Variants in BPIFC observed in about 807,000 individuals in gnomAD.
BPIFC encodes the protein BPI fold containing family C, also known as BPI fold-containing family C protein.
Under a neutral mutation model 57.6 loss-of-function variants are expected in BPIFC, and 60 were observed. The ratio of observed to expected loss-of-function variants is 1.04; its 90% confidence interval spans 0.85 to 1.29. The LOEUF is 1.29. BPIFC is among the 50% of genes most tolerant of loss of function. BPIFC has a pLI of 0.00. For synonymous variants in BPIFC, 243 were observed against 224.5 expected (o/e 1.08, Z -0.74); for missense variants, 581 against 600.5 (o/e 0.97, Z 0.34).
At chr22:32,421,751 G>A (rs890499028) in intron 13 of BPIFC, among the ~76,000 whole-genome samples, 1 of 152,188 alleles carries the variant, frequency 6.6e-6, no homozygotes, top group Non-Finnish European at 1.5e-5. Context: ...CTGTTCTCAT[G>A]TAGCTTACCA....
rs1934509386 is a variant in BPIFC at position 32,439,613 on chromosome 22, T to A, written c.656-1762A>T. 2.4e-5 allele frequency among the ~76,000 whole-genome samples: 3 copies of A among 126,270 alleles called. No individual in the cohort carries two copies. The Admixed American group carries it at 2.5e-4, about 10-fold the overall frequency. The allele number at this position is 126,270 out of a possible 152,430, so 82.8% of individuals were successfully genotyped here. ...CTAAGCCACCATAGTTTTTATTTTT[T>A]ATTTTTCACTTTTTTTTTTGAGACA... is the stretch of plus-strand genomic sequence containing the variant. On this transcript the variant is annotated intron_variant, in intron 8 of 16. Transcript: ENST00000300399.
chr22:32,419,225 A>G, intron 14 of BPIFC, 137 bp downstream of exon 14: 2 of 884,658 alleles, frequency 2.3e-6, no homozygotes, highest in Non-Finnish European at 3.5e-6. Context: ...CTACATAAAG[A>G]ATTTCAAAGT....
chr22:32,440,049 T>G (rs1290427652), intron 8 of BPIFC, among the ~76,000 whole-genome samples: 2 of 152,170 alleles, frequency 1.3e-5, no homozygotes, highest in Non-Finnish European at 2.9e-5. Flanking sequence ...CTTGGCTACT[T>G]CTTTCCTCAC....
chr22:32,428,737 A>C (rs1934143746), intron 13 of BPIFC, among the ~76,000 whole-genome samples: 1 of 151,810 alleles, frequency 6.6e-6, no homozygotes, highest in African/African-American at 2.4e-5. Context: ...ATCTCTACTA[A>C]AAAATACAAA....
At chr22:32,419,506 A>G in intron 13 of BPIFC, 102 bp from the exon 14 acceptor site, 1 of 1,130,704 alleles carries the variant, frequency 8.8e-7, no homozygotes, top group South Asian at 1.4e-5. Flanking sequence ...GTCACTATTT[A>G]AAAAAAAACA....
intron 12 of BPIFC, among the ~76,000 whole-genome samples, chr22:32,431,861 T>A (rs1934252350): frequency 6.6e-6 from 1 of 151,800 alleles, no homozygotes; most frequent in South Asian, 2.1e-4. Flanking sequence ...GTGCATGAAG[T>A]AGAGACTGGA....
rs748412558 is a variant in BPIFC, at chr22:32,437,757, T to C, written c.747+3A>G. 29 of 1,580,518 alleles carry C rather than the reference T, an allele frequency of 1.8e-5. No homozygotes were observed. The highest frequency in any genetic ancestry group is 2.3e-5 in the Non-Finnish European group (26 of 1,149,734). On this transcript the variant is annotated splice_donor_region_variant and intron_variant, in intron 9 of 16. Transcript: ENST00000300399. ...CTGAGGATTCTGATGATGATAAAGT[T>C]ACCTTCAAGTTCAGGTCAAGGTAGT...
intron 3 of BPIFC, among the ~76,000 whole-genome samples, chr22:32,456,079 T>C (rs1208286118): frequency 6.6e-6 from 1 of 152,250 alleles, no homozygotes; most frequent in Non-Finnish European, 1.5e-5. Context: ...TTTACAGCCA[T>C]GTGGATAGAC....
At chr22:32,417,530 T>C (rs779481185) in intron 14 of BPIFC, among the ~76,000 whole-genome samples, 5 of 152,168 alleles carry the variant, frequency 3.3e-5, no homozygotes, top group Non-Finnish European at 7.3e-5. Context: ...TCCCAGAACT[T>C]CTTAGGCTAG....
At chr22:32,461,022 A>G (rs1935148380) in intron 2 of BPIFC, among the ~76,000 whole-genome samples, 1 of 152,226 alleles carries the variant, frequency 6.6e-6, no homozygotes, top group South Asian at 2.1e-4. Flanking sequence ...GTGTACTAGT[A>G]AACTGCAGGC....
rs542097911 is a variant in BPIFC at position 32,452,772 on chromosome 22, TG to T, written c.245+610del. Among the ~76,000 whole-genome samples, 5 of 152,300 alleles carry T rather than the reference TG, an allele frequency of 3.3e-5. No homozygotes were observed. In the East Asian group the frequency reaches 9.6e-4, roughly 29 times the overall value. On this transcript the variant is annotated intron_variant, in intron 4 of 16. Coordinates refer to ENST00000300399, the MANE Select transcript of BPIFC (RefSeq NM_174932.3). ...CTGGATGGGTAAAATCTTTAACAATTGGGGCAAATTGTGAATCACAGTCACA... is the reference window on the plus strand; with the variant it reads ...CTGGATGGGTAAAATCTTTAACAATTGGGCAAATTGTGAATCACAGTCACA...
intron 7 of BPIFC, among the ~76,000 whole-genome samples, chr22:32,445,135 T>G (rs1014475651): frequency 1.3e-5 from 2 of 152,220 alleles, no homozygotes; most frequent in Non-Finnish European, 2.9e-5. Context: ...ATAGTAGGGA[T>G]TTGAGAAACT....
At chr22:32,453,991 G>A (rs1326437854) in intron 3 of BPIFC, among the ~76,000 whole-genome samples, 1 of 152,064 alleles carries the variant, frequency 6.6e-6, no homozygotes, top group Admixed American at 6.6e-5. Context: ...CATGTCTATA[G>A]TACCAGTGAC....
chr22:32,425,765 T>A (rs150499511), intron 13 of BPIFC, among the ~76,000 whole-genome samples: 17 of 152,234 alleles, frequency 1.1e-4, no homozygotes, highest in African/African-American at 4.1e-4. Flanking sequence ...AAATGAATGG[T>A]CCTGGAGGTA....
Position 32,424,602 on chromosome 22 carries a change from TCCTCCTCC to T in BPIFC, c.1218-5206_1218-5199del, listed in dbSNP as rs1569447846. Among the ~76,000 whole-genome samples the T allele has an allele frequency of 2.9e-4, 19 of 65,722 alleles. 3 individuals are homozygous for T. The highest frequency in any genetic ancestry group is 4.2e-4 in the Admixed American group (3 of 7,064). The allele number at this position is 65,722 out of a possible 152,430, so 43.1% of individuals were successfully genotyped here. On this transcript the variant is annotated intron_variant, in intron 13 of 16. Transcript: ENST00000300399. ...CTTCTTCTTCTTCTTCTTCTTCTTC[TCCTCCTCC>T]TCCTCCTCCTCCTCCTCCTCTTCTT...
chr22:32,431,320 C>T lies in BPIFC; in HGVS notation c.1217+27G>A, dbSNP rs376630089. On this transcript the variant is annotated intron_variant, in intron 13 of 16. Coordinates refer to ENST00000300399, the MANE Select transcript of BPIFC (RefSeq NM_174932.3). ...GTTGACTCACTTATTACTAAGGTGCCCCAACAGTCAAATTGATTGATCTTA... is the reference window on the plus strand; with the variant it reads ...GTTGACTCACTTATTACTAAGGTGCTCCAACAGTCAAATTGATTGATCTTA... 4.7e-5 allele frequency: 75 copies of T among 1,586,454 alleles called. No homozygotes were observed. In the African/African-American group the frequency reaches 8.2e-4, roughly 17 times the overall value.
chr22:32,419,463 A>G, intron 13 of BPIFC, 59 bp from the exon 14 acceptor site: 3 of 1,458,480 alleles, frequency 2.1e-6, no homozygotes, highest in Non-Finnish European at 2.9e-6. Context: ...GTAGAAAGAA[A>G]CCAAAAAGTA....
chr22:32,430,145 G>C (rs1934199651), intron 13 of BPIFC, among the ~76,000 whole-genome samples: 1 of 152,200 alleles, frequency 6.6e-6, no homozygotes. Context: ...TTGACAGTCA[G>C]ACAGGCCATG....
intron 3 of BPIFC, among the ~76,000 whole-genome samples, chr22:32,455,404 T>A (rs1935012376): frequency 6.6e-6 from 1 of 152,152 alleles, no homozygotes; most frequent in Non-Finnish European, 1.5e-5. Flanking sequence ...ATCAGATCTC[T>A]TACTAGAAAA....
Sources: gnomAD v4.1 joint callset for allele counts (sites outside exome capture counted in the v4.1 genomes callset) on GRCh38, gnomAD v4.1.1 for gene constraint, MANE v1.5 for transcripts, NCBI Gene and HGNC (gene_info 2026-07-23, HGNC 2026-07-21) for gene names.